TOM1L2: variants seen among roughly 807,000 people sequenced by gnomAD.
The protein encoded by TOM1L2 is target of myb1 like 2 membrane trafficking protein.
A neutral mutation model predicts 67.9 loss-of-function variants in TOM1L2; 31 were observed. The observed-to-expected ratio is 0.46, with a 90% CI of 0.34 to 0.62. TOM1L2 has a LOEUF of 0.62. Ranked by LOEUF, TOM1L2 falls within the 20% of genes least tolerant of loss-of-function variation. TOM1L2 has a pLI of 0.01. For synonymous variants in TOM1L2, 256 were observed against 254.0 expected (o/e 1.01, Z -0.07); for missense variants, 606 against 663.5 (o/e 0.91, Z 0.95).
intron 1 of TOM1L2, among the ~76,000 whole-genome samples, chr17:17,944,395 G>GT (rs1456327204): frequency 6.6e-6 from 1 of 152,222 alleles, no homozygotes; most frequent in South Asian, 2.1e-4. Flanking sequence ...TAAAAATGCT[G>GT]TAACAGTTTC....
intron 1 of TOM1L2, among the ~76,000 whole-genome samples, chr17:17,941,024 AG>A (rs2144788723): frequency 6.6e-6 from 1 of 152,318 alleles, no homozygotes; most frequent in African/African-American, 2.4e-5. Flanking sequence ...GTGTTTTCTT[AG>A]GGGAAACTAC....
chr17:17,933,340 G>A (rs1490065235), intron 1 of TOM1L2, among the ~76,000 whole-genome samples: 2 of 152,190 alleles, frequency 1.3e-5, no homozygotes, highest in African/African-American at 2.4e-5. Context: ...ATAGGCCAGA[G>A]CTGTGTCATA....
At chr17:17,863,170 C>T (rs183967319) in intron 10 of TOM1L2, 40 of 276,686 alleles carry the variant, frequency 1.4e-4, no homozygotes, top group African/African-American at 8.6e-4. Flanking sequence ...GCTTGGGCTC[C>T]TCATTAACTC....
At chr17:17,909,533 C>T (rs1455553867) in intron 1 of TOM1L2, among the ~76,000 whole-genome samples, 3 of 147,454 alleles carry the variant, frequency 2.0e-5, no homozygotes, top group Non-Finnish European at 3.0e-5. Flanking sequence ...CAATCAGGTA[C>T]CTAGAATAGT....
intron 1 of TOM1L2, among the ~76,000 whole-genome samples, 158 bp from the exon 2 acceptor site, chr17:17,907,689 C>A (rs1437548869): frequency 6.6e-6 from 1 of 152,074 alleles, no homozygotes; most frequent in Admixed American, 6.5e-5. Flanking sequence ...AGAGAACACC[C>A]GGGAAAGGTC....
intron 1 of TOM1L2, among the ~76,000 whole-genome samples, chr17:17,940,475 C>A (rs2040689230): frequency 6.6e-6 from 1 of 152,116 alleles, no homozygotes; most frequent in Admixed American, 6.5e-5. Context: ...CTGCCCCCAC[C>A]CAGCTCAGGG....
intron 4 of TOM1L2, among the ~76,000 whole-genome samples, chr17:17,888,028 G>A (rs2144137574): frequency 6.6e-6 from 1 of 152,336 alleles, no homozygotes; most frequent in African/African-American, 2.4e-5. Context: ...AGCCTCAGGA[G>A]GTCTGGCCAC....
rs1568112760 is a variant in TOM1L2 at position 17,869,465 on chromosome 17, G to A, written c.786C>T (p.Asn262=). Residue 262 remains asparagine, a synonymous_variant, in exon 8 of 15, where the codon AAC becomes AAT. Coordinates refer to ENST00000379504, the MANE Select transcript of TOM1L2 (RefSeq NM_001082968.2). ...GCTGCTGCATGGCCCGACAGGTCCTGTTGAGCTCCTAGGGAACACATGCAC... is the reference window on the plus strand; with the variant it reads ...GCTGCTGCATGGCCCGACAGGTCCTATTGAGCTCCTAGGGAACACATGCAC... ...SSDLELLQEL[N]RTCRAMQQRI... 1 of 1,607,562 alleles carries A rather than the reference G, an allele frequency of 6.2e-7. No individual in the cohort carries two copies.
chr17:17,874,712 T>C (rs1747537569), intron 7 of TOM1L2, among the ~76,000 whole-genome samples: 1 of 152,356 alleles, frequency 6.6e-6, no homozygotes, highest in East Asian at 1.9e-4. Context: ...GAACATCTGC[T>C]CTGGCCTTGT....
chr17:17,937,840 C>T (rs944604712), intron 1 of TOM1L2, among the ~76,000 whole-genome samples: 2 of 152,184 alleles, frequency 1.3e-5, no homozygotes, highest in East Asian at 1.9e-4. Context: ...GTTAGCACTC[C>T]ACACTGGGCT....
At chr17:17,965,718 C>T (rs540842853) in intron 1 of TOM1L2, among the ~76,000 whole-genome samples, 58 of 152,344 alleles carry the variant, frequency 3.8e-4, no homozygotes, top group African/African-American at 1.3e-3. Context: ...GAGATAATCA[C>T]AGTACCTTCC....
chr17:17,897,697 C>T (rs2144279650), intron 3 of TOM1L2, among the ~76,000 whole-genome samples: 1 of 152,270 alleles, frequency 6.6e-6, no homozygotes, highest in Non-Finnish European at 1.5e-5. Context: ...TCAGTTTTTA[C>T]CCCATGCAAA....
At chr17:17,955,988 C>T (rs1224803325) in intron 1 of TOM1L2, among the ~76,000 whole-genome samples, 1 of 152,174 alleles carries the variant, frequency 6.6e-6, no homozygotes, top group East Asian at 1.9e-4. Flanking sequence ...CTGCGCCAGC[C>T]TCAAGAGAAA....
chr17:17,896,273 T>C (rs767946263), intron 3 of TOM1L2, among the ~76,000 whole-genome samples: 18 of 152,040 alleles, frequency 1.2e-4, no homozygotes, highest in Admixed American at 3.3e-4. Context: ...TCAAGGCAGA[T>C]GGCAAGAAGT....
intron 1 of TOM1L2, among the ~76,000 whole-genome samples, chr17:17,916,467 C>T (rs1008280533): frequency 6.6e-6 from 1 of 152,104 alleles, no homozygotes; most frequent in Non-Finnish European, 1.5e-5. Flanking sequence ...GATAATGGTC[C>T]GACTTCACTC....
In TOM1L2 at chr17:17,893,728, A is replaced by G. The variant is rs1191923763; in HGVS notation, c.299T>C (p.Val100Ala). 1.9e-6 allele frequency: 3 copies of G among 1,613,886 alleles called. No individual in the cohort carries two copies. Among genetic ancestry groups the G allele is most frequent in the African/African-American group, 1.3e-5 (1 of 74,858 alleles). Residue 100 changes from valine (V) to alanine (A), a missense_variant, in exon 4 of 15, where the codon GTC becomes GCC. This residue lies in a region of TOM1L2 where 543 missense variants were observed against 554.0 expected (regional missense o/e 0.98). Coordinates refer to ENST00000379504, the MANE Select transcript of TOM1L2 (RefSeq NM_001082968.2). ...GTTGTTCTTGGGAGATATAATTTTGACCAGAACACTGTCGATGAAATCTCG... is the reference window on the plus strand; with the variant it reads ...GTTGTTCTTGGGAGATATAATTTTGGCCAGAACACTGTCGATGAAATCTCG... ...ANRDFIDSVL[V>A]KIISPKNNPP...
At chr17:17,871,754 T>G (rs1259564357) in intron 7 of TOM1L2, among the ~76,000 whole-genome samples, 1 of 152,226 alleles carries the variant, frequency 6.6e-6, no homozygotes, top group Non-Finnish European at 1.5e-5. Context: ...ACTCTCAGTC[T>G]TCTCAGCACT....
intron 1 of TOM1L2, among the ~76,000 whole-genome samples, chr17:17,925,771 C>T (rs1281786302): frequency 6.6e-6 from 1 of 150,442 alleles, no homozygotes. Flanking sequence ...AGGAAGATCG[C>T]TTGAGCCCAG....
intron 1 of TOM1L2, among the ~76,000 whole-genome samples, chr17:17,935,698 C>T (rs1426210678): frequency 6.6e-6 from 1 of 152,190 alleles, no homozygotes; most frequent in Non-Finnish European, 1.5e-5. Context: ...ATTATACCAT[C>T]TCTAAAGTCC....
Sources: allele counts gnomAD v4.1 joint callset (sites outside exome capture counted in the v4.1 genomes callset), GRCh38; gene constraint gnomAD v4.1.1; regional missense constraint gnomAD v4.1.1; transcripts MANE v1.5; gene names NCBI Gene and HGNC (gene_info 2026-07-23, HGNC 2026-07-21).